The following PARD3B variants were observed in gnomAD, a reference collection of about 807,000 sequenced individuals.
PARD3B encodes partitioning defective 3 homolog B.
A neutral mutation model predicts 130.2 loss-of-function variants in PARD3B; 103 were observed. The ratio of observed to expected loss-of-function variants is 0.79; its 90% CI spans 0.67 to 0.93. The LOEUF is 0.93. Among genes scored for constraint, PARD3B ranks in the 40% least tolerant of loss-of-function variants. PARD3B has a pLI of 0.00. For synonymous variants in PARD3B, 583 were observed against 553.2 expected, an observed-to-expected ratio of 1.05 and a Z score of -0.76; for missense variants, 1,609 against 1,499.2, an observed-to-expected ratio of 1.07 and a Z score of -1.21.
Position 205,592,779 on chromosome 2 carries a change from C to T in PARD3B, c.3261-22677C>T, listed in dbSNP as rs536357567. Reference sequence around the variant, plus strand: ...GAAGAAGCGGCATCTGGAACAAGTACAGATGGCCAAATCAAGAACCTTTCT... The same window carrying T: ...GAAGAAGCGGCATCTGGAACAAGTATAGATGGCCAAATCAAGAACCTTTCT... On this transcript the variant is annotated intron_variant, in intron 22 of 22. Transcript: ENST00000406610. The surrounding 1 kb of genome is among the most constrained non-coding windows in gnomAD (Gnocchi z 4.5). 1.3e-5 allele frequency among the ~76,000 whole-genome samples: 2 copies of T among 152,378 alleles called. No homozygotes were observed. Among genetic ancestry groups the T allele is most frequent in the Non-Finnish European group, 2.9e-5 (2 of 68,036 alleles).
At chr2:205,242,186 G>T (rs977916942) in intron 15 of PARD3B, among the ~76,000 whole-genome samples, 1 of 151,954 alleles carries the variant, frequency 6.6e-6, no homozygotes. Context: ...TCAGAGAAAG[G>T]CCTCTAATTT....
intron 2 of PARD3B, among the ~76,000 whole-genome samples, 183 bp downstream of exon 2, chr2:204,686,465 G>C (rs1275901668): frequency 6.6e-6 from 1 of 152,166 alleles, no homozygotes; most frequent in African/African-American, 2.4e-5. Context: ...CTGTGTTAAG[G>C]TTTGGGAATC....
intron 2 of PARD3B, among the ~76,000 whole-genome samples, chr2:204,872,570 C>G (rs956352022): frequency 5.3e-5 from 8 of 152,176 alleles, no homozygotes; most frequent in Non-Finnish European, 1.2e-4. Context: ...TGTTTAAGTC[C>G]TAAGAGATGT....
intron 3 of PARD3B, among the ~76,000 whole-genome samples, chr2:205,039,205 C>T (rs897232612): frequency 6.6e-5 from 10 of 152,008 alleles, no homozygotes; most frequent in Admixed American, 2.0e-4. Context: ...AAATGATGTA[C>T]CACTTTCACT....
chr2:204,604,282 G>T (rs1452511270), intron 1 of PARD3B, among the ~76,000 whole-genome samples: 1 of 152,104 alleles, frequency 6.6e-6, no homozygotes, highest in African/African-American at 2.4e-5. Flanking sequence ...AGGGTGAGGG[G>T]TTATTCATGT....
intron 6 of PARD3B, among the ~76,000 whole-genome samples, chr2:205,118,674 A>G (rs1230483941): frequency 6.6e-6 from 1 of 152,216 alleles, no homozygotes; most frequent in Non-Finnish European, 1.5e-5. Context: ...GTTTACTGCA[A>G]GCATGAGAAA....
In PARD3B at chr2:204,943,184, A is replaced by G. The variant is rs1689051151; in HGVS notation, c.223-21968A>G. Reference sequence around the variant, plus strand: ...TGTGTGTGTATGTGTATGCATATATATATATGTGTGTGTATATATATATAA... The same window carrying G: ...TGTGTGTGTATGTGTATGCATATATGTATATGTGTGTGTATATATATATAA... On this transcript the variant is annotated intron_variant, in intron 2 of 22. Coordinates refer to ENST00000406610, the MANE Select transcript of PARD3B (RefSeq NM_001302769.2). The surrounding 1 kb of genome is among the most constrained non-coding windows in gnomAD (Gnocchi z 4.2). Among the ~76,000 whole-genome samples, 1 of 151,986 alleles carries G rather than the reference A, an allele frequency of 6.6e-6. No homozygotes were observed. Among genetic ancestry groups the G allele is most frequent in the South Asian group, 2.1e-4 (1 of 4,818 alleles).
At chr2:205,413,799 T>C (rs2046680523) in intron 19 of PARD3B, among the ~76,000 whole-genome samples, 1 of 152,200 alleles carries the variant, frequency 6.6e-6, no homozygotes, top group Admixed American at 6.5e-5. Context: ...ATGAAAATGC[T>C]GTGGGCCCAG....
intron 16 of PARD3B, among the ~76,000 whole-genome samples, chr2:205,272,330 C>G (rs1032863790): frequency 1.3e-5 from 2 of 152,010 alleles, no homozygotes; most frequent in East Asian, 3.9e-4. Context: ...CACCTGTCCC[C>G]TCGTTTCTAT....
chr2:204,859,070 T>C (rs185699296), intron 2 of PARD3B, among the ~76,000 whole-genome samples: 66 of 152,076 alleles, frequency 4.3e-4, no homozygotes, highest in Non-Finnish European at 1.8e-4. Context: ...GTGAATACTT[T>C]TACATGATGT....
At chr2:205,513,848 G>A (rs1394332073) in intron 21 of PARD3B, among the ~76,000 whole-genome samples, 2 of 152,044 alleles carry the variant, frequency 1.3e-5, no homozygotes, top group Non-Finnish European at 2.9e-5. Context: ...GGAATAAATT[G>A]ATAAGCGAAT....
intron 20 of PARD3B, among the ~76,000 whole-genome samples, chr2:205,459,734 C>T (rs2106221569): frequency 6.6e-6 from 1 of 152,292 alleles, no homozygotes; most frequent in South Asian, 2.1e-4. Flanking sequence ...CCTGTTGGCC[C>T]TCCTCACCAT....
chr2:205,532,545 C>T (rs772696710), intron 21 of PARD3B, among the ~76,000 whole-genome samples: 33 of 152,184 alleles, frequency 2.2e-4, no homozygotes, highest in Non-Finnish European at 3.7e-4. Context: ...CCACACCTTA[C>T]ATAGGGCAGT....
At chr2:204,917,409 AT>A (rs1163606252) in intron 2 of PARD3B, among the ~76,000 whole-genome samples, 3 of 152,150 alleles carry the variant, frequency 2.0e-5, no homozygotes, top group African/African-American at 7.2e-5. Flanking sequence ...TTCAGGATGG[AT>A]TGATTTATTT....
At chr2:205,004,155 A>G in intron 3 of PARD3B, among the ~76,000 whole-genome samples, 1 of 152,244 alleles carries the variant, frequency 6.6e-6, no homozygotes, top group East Asian at 1.9e-4. Flanking sequence ...GTATCACTAT[A>G]CTGCTTCTTG....
At position 205,615,835 on chromosome 2, in the gene PARD3B, C is replaced by A. The variant is rs990321897; in HGVS notation, c.*22C>A. On this transcript the variant is annotated 3_prime_UTR_variant, in exon 23 of 23. Coordinates refer to ENST00000406610, the MANE Select transcript of PARD3B (RefSeq NM_001302769.2). ...ATAGCTGAGTGCCACCGAGGCCAGC[C>A]CGGTCCAGAAAGGAAGGTGTCTACT... 5 of 1,579,168 alleles carry A rather than the reference C, an allele frequency of 3.2e-6. No homozygotes were observed. In the African/African-American group the frequency reaches 5.4e-5, roughly 17 times the overall value.
intron 2 of PARD3B, among the ~76,000 whole-genome samples, chr2:204,803,155 AAAAAAAAAATATATAT>A (rs961291105): frequency 7.2e-6 from 1 of 138,800 alleles, no homozygotes; most frequent in African/African-American, 2.7e-5. Context: ...AAAAAAAAAA[AAAAAAAAAATATATAT>A]ATATATATAT....
At chr2:205,391,801 A>G (rs908667764) in intron 18 of PARD3B, among the ~76,000 whole-genome samples, 2 of 151,700 alleles carry the variant, frequency 1.3e-5, no homozygotes, top group Non-Finnish European at 2.9e-5. Flanking sequence ...TTTCTTGCCC[A>G]CTCATTCACG....
chr2:205,572,508 G>T lies in PARD3B; in HGVS notation c.3260+19105G>T, dbSNP rs567462031. Among the ~76,000 whole-genome samples the T allele has an allele frequency of 1.3e-5, 2 of 152,186 alleles. No individual in the cohort carries two copies. The highest frequency in any genetic ancestry group is 4.8e-5 in the African/African-American group (2 of 41,432). On this transcript the variant is annotated intron_variant, in intron 22 of 22. Coordinates refer to ENST00000406610, the MANE Select transcript of PARD3B (RefSeq NM_001302769.2). The surrounding 1 kb of genome is among the most constrained non-coding windows in gnomAD (Gnocchi z 4.2). ...GCCTGTAATCCCAGCACTTTGGGAG[G>T]CCAAGGCAGGCGGATTGCCTGAGCT... is the stretch of plus-strand genomic sequence containing the variant.
Sources: gnomAD v4.1 joint callset for allele counts (sites outside exome capture counted in the v4.1 genomes callset) on GRCh38, gnomAD v4.1.1 for gene constraint, Gnocchi (gnomAD v3.1) non-coding constraint, MANE v1.5 for transcripts, NCBI Gene and HGNC (gene_info 2026-07-23, HGNC 2026-07-21) for gene names.